SNX29: variants seen among roughly 807,000 people sequenced by gnomAD.
SNX29 encodes sorting nexin-29.
Under a neutral mutation model 102.1 loss-of-function variants are expected in SNX29, and 78 were observed. The ratio of observed to expected loss-of-function variants is 0.76; its 90% CI spans 0.64 to 0.92. SNX29 has a LOEUF of 0.92. Among genes scored for constraint, SNX29 ranks in the 40% least tolerant of loss-of-function variants. The probability of loss-of-function intolerance (pLI) is 0.00; values close to 1 mark genes in which losing one functional copy is unlikely to be tolerated. For synonymous variants in SNX29, 580 were observed against 414.5 expected (o/e 1.40, Z -4.85); for missense variants, 1,280 against 1,061.7 (o/e 1.21, Z -2.86).
At chr16:12,556,613 C>G (rs1300360216) in intron 20 of SNX29, 1 of 152,180 alleles carries the variant, frequency 6.6e-6, no homozygotes, top group Non-Finnish European at 1.5e-5. Flanking sequence ...GAGGAAGGGT[C>G]AAGGCAAGAA....
At chr16:12,552,775 C>T (rs747506608) in intron 20 of SNX29, among the ~76,000 whole-genome samples, 5 of 152,220 alleles carry the variant, frequency 3.3e-5, no homozygotes, top group Admixed American at 6.5e-5. Context: ...GAATTCATCT[C>T]AGCTCTGGGC....
At chr16:12,007,683 C>T (rs753323649) in intron 3 of SNX29, among the ~76,000 whole-genome samples, 54 of 152,156 alleles carry the variant, frequency 3.5e-4, no homozygotes, top group East Asian at 1.2e-3. Flanking sequence ...TCTCCTGGCC[C>T]GCGGTCCCCA....
At chr16:12,061,453 T>C (rs2050770914) in intron 8 of SNX29, 75 bp from the exon 9 acceptor site, 1 of 1,223,342 alleles carries the variant, frequency 8.2e-7, no homozygotes, top group Non-Finnish European at 1.2e-6. Context: ...AGGAGGGTGC[T>C]GTGGATGCTT....
At chr16:12,278,464 CAAAAG>C (rs886742645) in intron 15 of SNX29, among the ~76,000 whole-genome samples, 39 of 150,390 alleles carry the variant, frequency 2.6e-4, no homozygotes, top group African/African-American at 8.1e-4. Flanking sequence ...CCCTCACCCT[CAAAAG>C]AAAAGAAAAA....
At chr16:12,563,766 C>G (rs977643818) in intron 20 of SNX29, among the ~76,000 whole-genome samples, 6 of 152,234 alleles carry the variant, frequency 3.9e-5, no homozygotes, top group East Asian at 1.9e-4. Flanking sequence ...CTTCTCCACC[C>G]TTGTCTGCCG....
chr16:12,100,553 C>T (rs978454997), intron 11 of SNX29, among the ~76,000 whole-genome samples: 20 of 152,104 alleles, frequency 1.3e-4, no homozygotes, highest in African/African-American at 4.3e-4. Flanking sequence ...CCAGATCGGG[C>T]TGTCTGCAGA....
At chr16:12,186,839 T>C (rs2141872553) in intron 13 of SNX29, among the ~76,000 whole-genome samples, 1 of 152,348 alleles carries the variant, frequency 6.6e-6, no homozygotes, top group African/African-American at 2.4e-5. Context: ...TCAAGGCTTT[T>C]AATCCATCTC....
intron 14 of SNX29, among the ~76,000 whole-genome samples, chr16:12,264,835 A>G (rs1400160901): frequency 2.0e-5 from 3 of 151,772 alleles, no homozygotes; most frequent in Non-Finnish European, 4.4e-5. Context: ...ATTGCCCTCC[A>G]TATCCCAGGG....
intron 14 of SNX29, among the ~76,000 whole-genome samples, chr16:12,243,243 C>T (rs1340557639): frequency 2.0e-5 from 3 of 152,210 alleles, no homozygotes; most frequent in African/African-American, 2.4e-5. Flanking sequence ...CACTCTAGGG[C>T]GTATGCCAGA....
At chr16:12,485,708 G>A (rs1450594133) in intron 19 of SNX29, among the ~76,000 whole-genome samples, 1 of 152,168 alleles carries the variant, frequency 6.6e-6, no homozygotes, top group African/African-American at 2.4e-5. Context: ...CATTGAAGGC[G>A]AATTAAGGTT....
chr16:12,378,200 G>C (rs2082946516), intron 16 of SNX29, among the ~76,000 whole-genome samples: 1 of 152,198 alleles, frequency 6.6e-6, no homozygotes, highest in South Asian at 2.1e-4. Flanking sequence ...CTGATGACTG[G>C]AAAGTTCAAG....
At chr16:12,167,449 CCTT>C (rs2076042647) in intron 13 of SNX29, among the ~76,000 whole-genome samples, 2 of 152,112 alleles carry the variant, frequency 1.3e-5, no homozygotes, top group Non-Finnish European at 1.5e-5. Flanking sequence ...ACCTGGTTGC[CCTT>C]CTTTTTGTCA....
rs186991614 is a variant in SNX29 at position 12,433,622 on chromosome 16, C to G, written c.2037+30093C>G. 7.9e-3 allele frequency among the ~76,000 whole-genome samples: 1,040 copies of G among 131,090 alleles called. 15 individuals carry two copies. Among genetic ancestry groups the G allele is most frequent in the African/African-American group, 0.028 (994 of 35,036 alleles). 86.0% of individuals were successfully genotyped at this position (131,090 alleles called of 152,430 possible). On this transcript the variant is annotated intron_variant, in intron 18 of 20. Transcript: ENST00000566228. The stretch of plus-strand genomic sequence containing the variant: ...CTCCAGCCTGGGCAACAGAGCAAGA[C>G]TGCGTCTCAAAAAAAAAAAAAAAAA...
chr16:12,558,806 A>G (rs960453191), intron 20 of SNX29, among the ~76,000 whole-genome samples: 1 of 152,176 alleles, frequency 6.6e-6, no homozygotes, highest in Non-Finnish European at 1.5e-5. Context: ...CTGCCTGATA[A>G]GGGCTCCCTA....
chr16:12,508,494 C>T (rs2089472271), intron 19 of SNX29, among the ~76,000 whole-genome samples: 1 of 152,324 alleles, frequency 6.6e-6, no homozygotes, highest in East Asian at 1.9e-4. Context: ...CTGTGATATT[C>T]AGGCATTTGA....
At chr16:12,038,852 C>T (rs917973223) in intron 4 of SNX29, 3 of 152,168 alleles carry the variant, frequency 2.0e-5, no homozygotes, top group African/African-American at 7.2e-5. Context: ...TTTCGAAATA[C>T]GTTGTTGGCC....
chr16:12,329,573 G>A (rs1404970285), intron 15 of SNX29, among the ~76,000 whole-genome samples: 1 of 152,170 alleles, frequency 6.6e-6, no homozygotes, highest in Non-Finnish European at 1.5e-5. Flanking sequence ...ATTTTTCAGT[G>A]GCATAAATGA....
At chr16:12,291,948 G>A (rs1029532263) in intron 15 of SNX29, among the ~76,000 whole-genome samples, 1 of 152,146 alleles carries the variant, frequency 6.6e-6, no homozygotes, top group East Asian at 1.9e-4. Flanking sequence ...TTGCCTTCGG[G>A]TGCTCACAGC....
intron 14 of SNX29, among the ~76,000 whole-genome samples, chr16:12,240,592 T>TC (rs2078073615): frequency 8.9e-6 from 1 of 112,448 alleles, no homozygotes; most frequent in South Asian, 2.8e-4. Context: ...TTTCTTTTTT[T>TC]TTTTTTTTTT....
Sources: gnomAD v4.1 joint callset for allele counts (sites outside exome capture counted in the v4.1 genomes callset) on GRCh38, gnomAD v4.1.1 for gene constraint, MANE v1.5 for transcripts, NCBI Gene and HGNC (gene_info 2026-07-23, HGNC 2026-07-21) for gene names.